Variants in MACROD2 observed in about 807,000 individuals in gnomAD.
MACROD2 encodes the protein ADP-ribose glycohydrolase MACROD2.
MACROD2 carries 36 observed loss-of-function variants against 70.4 expected under a neutral mutation model. The ratio of observed to expected loss-of-function variants is 0.51; its 90% CI spans 0.39 to 0.68. MACROD2 has a LOEUF of 0.68. MACROD2 is among the 30% of genes least tolerant of loss of function. The probability of loss-of-function intolerance (pLI) is 0.00; values close to 1 mark genes in which losing one functional copy is unlikely to be tolerated. For missense variants in MACROD2, 496 were observed against 538.4 expected (o/e 0.92, Z 0.78); for synonymous variants, 172 against 178.8 (o/e 0.96, Z 0.30).
At chr20:15,632,810 C>T (rs1314161416) in intron 8 of MACROD2, among the ~76,000 whole-genome samples, 3 of 151,718 alleles carry the variant, frequency 2.0e-5, no homozygotes, top group Non-Finnish European at 4.4e-5. Context: ...CCCCTGCTGT[C>T]CTCCTTTCCT....
intron 5 of MACROD2, among the ~76,000 whole-genome samples, chr20:15,165,183 C>A (rs115138048): frequency 6.6e-6 from 1 of 152,116 alleles, no homozygotes; most frequent in Non-Finnish European, 1.5e-5. Flanking sequence ...CGGCTGGGTA[C>A]GGTGGCTTAC....
At chr20:15,920,995 C>T (rs1176981275) in intron 10 of MACROD2, among the ~76,000 whole-genome samples, 1 of 152,118 alleles carries the variant, frequency 6.6e-6, no homozygotes, top group Non-Finnish European at 1.5e-5. Context: ...ACCTGCTGCC[C>T]CTTTATCTCA....
intron 4 of MACROD2, among the ~76,000 whole-genome samples, chr20:14,536,905 T>C (rs1055807434): frequency 3.9e-5 from 6 of 152,172 alleles, no homozygotes; most frequent in African/African-American, 1.4e-4. Flanking sequence ...TTAACTGAAT[T>C]CTGTCAAAAT....
intron 6 of MACROD2, among the ~76,000 whole-genome samples, chr20:15,349,880 G>T (rs1417851657): frequency 6.6e-6 from 1 of 151,982 alleles, no homozygotes; most frequent in African/African-American, 2.4e-5. Flanking sequence ...GGTTTCTTTT[G>T]GGGGGACCTC....
chr20:15,296,868 A>C (rs770380756), intron 6 of MACROD2, among the ~76,000 whole-genome samples: 5 of 152,356 alleles, frequency 3.3e-5, no homozygotes, highest in Middle Eastern at 3.4e-3. Flanking sequence ...ATATTCCTGC[A>C]GAGCTCAGTT....
intron 5 of MACROD2, among the ~76,000 whole-genome samples, chr20:14,869,441 A>G (rs989248619): frequency 5.9e-5 from 9 of 152,114 alleles, no homozygotes; most frequent in Non-Finnish European, 1.2e-4. Context: ...GAGACCCTGG[A>G]AAGTGTAGGA....
At chr20:15,054,695 G>C (rs1304465169) in intron 5 of MACROD2, among the ~76,000 whole-genome samples, 1 of 152,100 alleles carries the variant, frequency 6.6e-6, no homozygotes, top group African/African-American at 2.4e-5. Context: ...CTCAGTAACA[G>C]CACTCCACTG....
rs1019172448 is a variant in MACROD2 at position 14,548,242 on chromosome 20, G to A, written c.301+54734G>A. ...CCTTCTTCACGTTTTCAGAATCAGA[G>A]TATGAAAAATATTTGCTGTTTCTTG... On this transcript the variant is annotated intron_variant, in intron 4 of 17. Coordinates refer to ENST00000684519, the MANE Select transcript of MACROD2 (RefSeq NM_001351661.2). Among the ~76,000 whole-genome samples the A allele has an allele frequency of 2.6e-5, 4 of 152,070 alleles. No homozygotes were observed. In the South Asian group the frequency reaches 8.3e-4, roughly 32 times the overall value.
chr20:15,431,551 C>A, intron 7 of MACROD2, 116 bp downstream of exon 7: 7 of 924,610 alleles, frequency 7.6e-6, no homozygotes, highest in Non-Finnish European at 1.2e-5. Context: ...GATTTAGAGA[C>A]TAAAAATGCT....
chr20:14,777,871 G>A (rs1406495475), intron 5 of MACROD2, among the ~76,000 whole-genome samples: 1 of 152,048 alleles, frequency 6.6e-6, no homozygotes, highest in African/African-American at 2.4e-5. Context: ...AGAAAAATGG[G>A]TAATAAATAT....
chr20:15,989,174 C>T (rs550806570), intron 15 of MACROD2, among the ~76,000 whole-genome samples: 1 of 152,286 alleles, frequency 6.6e-6, no homozygotes, highest in South Asian at 2.1e-4. Context: ...TAATTTGATA[C>T]ATTGATGACA....
chr20:15,661,682 T>C (rs2146817402), intron 8 of MACROD2, among the ~76,000 whole-genome samples: 1 of 152,320 alleles, frequency 6.6e-6, no homozygotes, highest in South Asian at 2.1e-4. Context: ...GGGATGCTTC[T>C]AAGCATCCTA....
chr20:14,766,016 C>G (rs77024883), intron 5 of MACROD2, among the ~76,000 whole-genome samples: 1 of 152,096 alleles, frequency 6.6e-6, no homozygotes, highest in African/African-American at 2.4e-5. Flanking sequence ...TTCTCTGCCC[C>G]TTCAAATCTA....
chr20:16,001,069 G>A (rs2066702292), intron 15 of MACROD2, among the ~76,000 whole-genome samples: 1 of 152,202 alleles, frequency 6.6e-6, no homozygotes, highest in South Asian at 2.1e-4. Flanking sequence ...TACTGATTGT[G>A]CAAAAGATAT....
At chr20:14,990,893 G>A (rs2074897433) in intron 5 of MACROD2, among the ~76,000 whole-genome samples, 1 of 152,148 alleles carries the variant, frequency 6.6e-6, no homozygotes, top group Non-Finnish European at 1.5e-5. Flanking sequence ...GCTGGGGGAA[G>A]GCCCCCTGAA....
At chr20:14,482,440 A>G (rs1418781257) in intron 3 of MACROD2, among the ~76,000 whole-genome samples, 1 of 151,474 alleles carries the variant, frequency 6.6e-6, no homozygotes, top group African/African-American at 2.4e-5. Context: ...TCCTTACTAT[A>G]TTACTTACAC....
chr20:15,062,282 A>G (rs2075539052), intron 5 of MACROD2, among the ~76,000 whole-genome samples: 1 of 152,214 alleles, frequency 6.6e-6, no homozygotes, highest in Non-Finnish European at 1.5e-5. Flanking sequence ...TAACAAAAAT[A>G]CAATATGCCC....
chr20:15,978,356 G>C (rs1300047031), intron 13 of MACROD2, among the ~76,000 whole-genome samples: 1 of 152,184 alleles, frequency 6.6e-6, no homozygotes, highest in African/African-American at 2.4e-5. Flanking sequence ...CCCTCCGGGT[G>C]GCATGGGGGA....
rs181848656 is a variant in MACROD2, at chr20:14,344,966, C to T, written c.272-148513C>T. ...TCACGTGTAATCCTGTCCTCCCTTT[C>T]TTCCCCAAGGCAAATCAGAAATAAG... On this transcript the variant is annotated intron_variant, in intron 3 of 17. Transcript: ENST00000684519. Among the ~76,000 whole-genome samples the T allele has an allele frequency of 4.6e-5, 7 of 152,272 alleles. 1 individual carries two copies. In the East Asian group the frequency reaches 1.4e-3, roughly 29 times the overall value.
Sources: gnomAD v4.1 joint callset for allele counts (sites outside exome capture counted in the v4.1 genomes callset) on GRCh38, gnomAD v4.1.1 for gene constraint, MANE v1.5 for transcripts, NCBI Gene and HGNC (gene_info 2026-07-23, HGNC 2026-07-21) for gene names.